Variants in NSUN7 observed in about 807,000 individuals in gnomAD.
NSUN7 encodes NOP2/Sun RNA methyltransferase family member 7.
Under a neutral mutation model 58.5 loss-of-function variants are expected in NSUN7, and 39 were observed. That is an observed-to-expected ratio of 0.67 (90% confidence interval 0.52 to 0.87). NSUN7 has a LOEUF of 0.87. Ranked by LOEUF, NSUN7 falls within the 40% of genes least tolerant of loss-of-function variation. NSUN7 has a pLI of 0.00. For missense variants in NSUN7, 765 were observed against 844.1 expected (o/e 0.91, Z 1.16); for synonymous variants, 278 against 303.7 (o/e 0.92, Z 0.88).
At chr4:40,763,005 A>G (rs1031354838) in intron 4 of NSUN7, among the ~76,000 whole-genome samples, 4 of 151,414 alleles carry the variant, frequency 2.6e-5, no homozygotes, top group African/African-American at 9.7e-5. Flanking sequence ...ATTGTCTTCC[A>G]CGAAACTGGT....
chr4:40,770,736 A>G (rs1490976301), intron 4 of NSUN7, among the ~76,000 whole-genome samples: 1 of 152,228 alleles, frequency 6.6e-6, no homozygotes, highest in African/African-American at 2.4e-5. Flanking sequence ...GCCAAAAAAG[A>G]GTAATATCAA....
At chr4:40,794,238 C>G (rs1449929205) in intron 8 of NSUN7, 137 bp from the exon 9 acceptor site, 2 of 462,250 alleles carry the variant, frequency 4.3e-6, no homozygotes, top group African/African-American at 4.1e-5. Context: ...ATTTTAATAT[C>G]TATTTAGTTT....
chr4:40,803,696 A>G (rs555208571), intron 10 of NSUN7, among the ~76,000 whole-genome samples: 1 of 152,344 alleles, frequency 6.6e-6, no homozygotes, highest in South Asian at 2.1e-4. Flanking sequence ...TAAAATATTA[A>G]TACATTCACG....
intron 7 of NSUN7, among the ~76,000 whole-genome samples, chr4:40,777,731 G>A (rs1189129886): frequency 6.6e-6 from 1 of 152,208 alleles, no homozygotes; most frequent in Non-Finnish European, 1.5e-5. Flanking sequence ...CAGACCCACA[G>A]TGTATCTGGA....
intron 7 of NSUN7, among the ~76,000 whole-genome samples, chr4:40,779,903 G>A (rs1742442989): frequency 6.6e-6 from 1 of 152,060 alleles, no homozygotes; most frequent in African/African-American, 2.4e-5. Context: ...GGGACAATGA[G>A]TAACACATAA....
At chr4:40,778,046 A>C (rs945114862) in intron 7 of NSUN7, among the ~76,000 whole-genome samples, 1 of 152,246 alleles carries the variant, frequency 6.6e-6, no homozygotes, top group Non-Finnish European at 1.5e-5. Context: ...TGAAATTAGG[A>C]AATAAATGAG....
intron 4 of NSUN7, among the ~76,000 whole-genome samples, chr4:40,774,004 GTCAGGCTGGTCTCGAACACCTGACC>G (rs1305634877): frequency 2.0e-5 from 3 of 152,110 alleles, no homozygotes; most frequent in Non-Finnish European, 2.9e-5. Flanking sequence ...CCCCAGGTTG[GTCAGGCTGGTCTCGAACACCTGACC>G]TCAGGTGATC....
At chr4:40,785,285 T>C (rs1266655661) in intron 7 of NSUN7, among the ~76,000 whole-genome samples, 20 of 151,832 alleles carry the variant, frequency 1.3e-4, no homozygotes, top group South Asian at 2.1e-4. Flanking sequence ...GCTCCTAATA[T>C]GTTTTTCAGC....
rs1282210884 is a variant in NSUN7 at position 40,774,361 on chromosome 4, G to A, written c.585G>A (p.Gln195=). The A allele has an allele frequency of 6.2e-7, 1 of 1,613,980 alleles. No individual in the cohort carries two copies. Among genetic ancestry groups the A allele is most frequent in the South Asian group, 1.1e-5 (1 of 91,086 alleles). Residue 195 remains glutamine, a synonymous_variant, in exon 5 of 12, where the codon CAG becomes CAA. Transcript: ENST00000381782. ...TCCTTCCAGAAACAGTTAGGAAACAGGAACTAAGGGCCTCCACTTTACCAC... is the reference window on the plus strand; with the variant it reads ...TCCTTCCAGAAACAGTTAGGAAACAAGAACTAAGGGCCTCCACTTTACCAC... ...YHILPETVRK[Q]ELRASTLPLY... is the part of the protein sequence containing the mutation.
intron 4 of NSUN7, chr4:40,772,940 A>G (rs1285921274): frequency 6.6e-6 from 1 of 152,202 alleles, no homozygotes; most frequent in African/African-American, 2.4e-5. Context: ...GGTCAGGAAT[A>G]AGTCCTGTGT....
At position 40,782,528 on chromosome 4, in the gene NSUN7, A is replaced by G. The variant is rs897130227; in HGVS notation, c.1036+6269A>G. On this transcript the variant is annotated intron_variant, in intron 7 of 11. Transcript: ENST00000381782. ...GGTTACAGTGAGCTGAGATTGCACC[A>G]TTGCACTCCACCCTGTCTCAAAAAA... Among the ~76,000 whole-genome samples the G allele has an allele frequency of 8.0e-4, 119 of 149,370 alleles. 1 individual carries two copies. Among genetic ancestry groups the G allele is most frequent in the Non-Finnish European group, 1.5e-3 (100 of 67,590 alleles).
In NSUN7 at chr4:40,794,492, G is replaced by A. The variant is rs766367567; in HGVS notation, c.1282+16G>A. 2 of 1,437,804 alleles carry A rather than the reference G, an allele frequency of 1.4e-6. No individual in the cohort carries two copies. Among genetic ancestry groups the A allele is most frequent in the South Asian group, 2.3e-5 (2 of 85,868 alleles). 89.1% of individuals were successfully genotyped at this position (1,437,804 alleles called of 1,614,324 possible). A position where few individuals can be genotyped will look rare whatever the true frequency, so the allele number is the denominator to read the frequency against. On this transcript the variant is annotated intron_variant, in intron 9 of 11. Coordinates refer to ENST00000381782, the MANE Select transcript of NSUN7 (RefSeq NM_024677.6). ...GCAATGAAATGTAAGGTTGTCATAG[G>A]CACCATCTTGTTAAAATAAGGTGTA... is the stretch of plus-strand genomic sequence containing the variant.
intron 2 of NSUN7, among the ~76,000 whole-genome samples, chr4:40,759,071 A>T (rs992666519): frequency 3.3e-5 from 5 of 152,138 alleles, no homozygotes; most frequent in Non-Finnish European, 5.9e-5. Flanking sequence ...GCACTTTGGG[A>T]GGCCGAGGTG....
At chr4:40,766,756 C>T (rs558517779) in intron 4 of NSUN7, among the ~76,000 whole-genome samples, 2 of 151,760 alleles carry the variant, frequency 1.3e-5, no homozygotes, top group Admixed American at 6.6e-5. Flanking sequence ...GCCACAGTTT[C>T]AGAGCCTGTT....
At chr4:40,751,828 A>G (rs1740850291) in intron 2 of NSUN7, among the ~76,000 whole-genome samples, 1 of 152,116 alleles carries the variant, frequency 6.6e-6, no homozygotes, top group Non-Finnish European at 1.5e-5. Flanking sequence ...TCTCCTCTCT[A>G]CAAAAAAAAA....
chr4:40,799,962 C>A (rs999133760), intron 10 of NSUN7, among the ~76,000 whole-genome samples: 26 of 152,148 alleles, frequency 1.7e-4, no homozygotes, highest in Non-Finnish European at 3.2e-4. Flanking sequence ...TAACTTAAAA[C>A]AAAAGCCTTT....
At chr4:40,787,842 A>G (rs1199122219) in intron 7 of NSUN7, among the ~76,000 whole-genome samples, 4 of 152,038 alleles carry the variant, frequency 2.6e-5, no homozygotes, top group Non-Finnish European at 5.9e-5. Context: ...TTATTTATTT[A>G]TTTTTTTGAG....
intron 2 of NSUN7, among the ~76,000 whole-genome samples, chr4:40,752,068 G>T (rs140719015): frequency 6.6e-6 from 1 of 152,142 alleles, no homozygotes; most frequent in Admixed American, 6.5e-5. Flanking sequence ...GTTTGTTTTC[G>T]TACTAGCTGT....
chr4:40,797,846 G>C (rs1334546732), intron 9 of NSUN7, among the ~76,000 whole-genome samples: 1 of 152,192 alleles, frequency 6.6e-6, no homozygotes, highest in East Asian at 1.9e-4. Context: ...CTCAGACCAT[G>C]CTTTCTGACT....
Sources: allele counts gnomAD v4.1 joint callset (sites outside exome capture counted in the v4.1 genomes callset), GRCh38; gene constraint gnomAD v4.1.1; transcripts MANE v1.5; gene names NCBI Gene and HGNC (gene_info 2026-07-23, HGNC 2026-07-21).